The following CD70 variants were observed in gnomAD, a reference collection of about 807,000 sequenced individuals.
CD70 encodes the protein CD70 molecule.
Under a neutral mutation model 9.0 loss-of-function variants are expected in CD70, and 6 were observed. The observed-to-expected ratio is 0.67, with a 90% confidence interval of 0.37 to 1.32. The LOEUF is 1.32. Ranked by LOEUF, CD70 falls within the 40% of genes most tolerant of loss-of-function variation. The pLI is 0.02. For synonymous variants in CD70, 108 were observed against 112.3 expected, an observed-to-expected ratio of 0.96 and a Z score of 0.24; for missense variants, 235 against 258.7, an observed-to-expected ratio of 0.91 and a Z score of 0.63.
chr19:6,583,153 G>A (rs1023569792), downstream of CD70: 19 of 456,290 alleles, frequency 4.2e-5, no homozygotes, highest in African/African-American at 2.4e-4. Context: ...TGCAAGATGC[G>A]GGATTATCTG....
chr19:6,588,299 C>G (rs1916074004), intron 2 of CD70, among the ~76,000 whole-genome samples: 1 of 152,172 alleles, frequency 6.6e-6, no homozygotes, highest in South Asian at 2.1e-4. Context: ...GCCACCACCC[C>G]TGGTGCCCCA....
rs985168818 is a variant in CD70 at position 6,590,127 on chromosome 19, C to T, written c.172G>A (p.Ala58Thr). 6 of 1,613,770 alleles carry T rather than the reference C, an allele frequency of 3.7e-6. No homozygotes were observed. Among genetic ancestry groups the T allele is most frequent in the Non-Finnish European group, 5.1e-6 (6 of 1,179,788 alleles). The change falls in exon 2 of 3, where the codon GCT (alanine) becomes ACT (threonine). Residue 58 changes from alanine to threonine, a missense_variant. Physicochemically the swap from Ala to Thr is moderately conservative, Grantham distance 58. Coordinates refer to ENST00000245903, the MANE Select transcript of CD70 (RefSeq NM_001252.5). This position sits in a 1 kb window ranked among gnomAD's most constrained non-coding sequence, Gnocchi z 5.3. ...LPLESLGWDVAELQLNHTGPQ... is the reference protein window; with the variant it reads ...LPLESLGWDVTELQLNHTGPQ... Reference sequence around the variant, plus strand: ...CCTGTGTGATTCAGCTGCAGCTCAGCTACGTCCCACTGGAAGAAAAGACCA... The same window carrying T: ...CCTGTGTGATTCAGCTGCAGCTCAGTTACGTCCCACTGGAAGAAAAGACCA...
At position 6,591,061 on chromosome 19, in the gene CD70, G is replaced by C; in HGVS notation, c.-59C>G. 2 of 1,516,690 alleles carry C rather than the reference G, an allele frequency of 1.3e-6. No individual in the cohort carries two copies. The highest frequency in any genetic ancestry group is 4.7e-5 in the East Asian group (2 of 42,740). 94.0% of individuals were successfully genotyped at this position (1,516,690 alleles called of 1,614,324 possible). ...GGCGATGGGGGCGCGGAGCGCTGCC[G>C]AGAAGGAAGGAAGGAAACTGCAGCC... On this transcript the variant is annotated 5_prime_UTR_variant, in exon 1 of 3. Coordinates refer to ENST00000245903, the MANE Select transcript of CD70 (RefSeq NM_001252.5).
chr19:6,585,407 T>C (rs1915994369), downstream of CD70, among the ~76,000 whole-genome samples: 1 of 150,622 alleles, frequency 6.6e-6, no homozygotes, highest in African/African-American at 2.4e-5. Flanking sequence ...TGCAGTGGCA[T>C]GATCACGGCT....
intron 2 of CD70, among the ~76,000 whole-genome samples, chr19:6,587,333 AGT>A (rs1392667498): frequency 1.5e-4 from 23 of 150,340 alleles, no homozygotes; most frequent in Non-Finnish European, 2.7e-4. Context: ...CAAGAGAGAG[AGT>A]GTGTGTGTGA....
chr19:6,586,620 G>A (rs1916023845), intron 2 of CD70, among the ~76,000 whole-genome samples: 1 of 152,022 alleles, frequency 6.6e-6, no homozygotes, highest in African/African-American at 2.4e-5. Flanking sequence ...ACAACAGGGC[G>A]AGACCCCATC....
At position 6,586,704 on chromosome 19, in the gene CD70, G is replaced by A. The variant is rs1361149131; in HGVS notation, c.197-299C>T. Among the ~76,000 whole-genome samples, 3 of 152,036 alleles carry A rather than the reference G, an allele frequency of 2.0e-5. No homozygotes were observed. The East Asian group carries it at 5.8e-4, about 29-fold the overall frequency. Reference sequence around the variant, plus strand: ...TCCTGGCTACTCTTGGGAGGCTGAGGCTGGAGGATCGCTTGAGCCTGGGAG... The same window carrying A: ...TCCTGGCTACTCTTGGGAGGCTGAGACTGGAGGATCGCTTGAGCCTGGGAG... On this transcript the variant is annotated intron_variant, in intron 2 of 2. Transcript: ENST00000245903.
rs1916121566 is a variant in CD70 at position 6,590,004 on chromosome 19, T to A, written c.196+99A>T. ...CTCTCTCCCTCCGTCTCTGTCTGTGTCTCTTTCTCTCTGTCTCTCCCCACT... is the reference window on the plus strand; with the variant it reads ...CTCTCTCCCTCCGTCTCTGTCTGTGACTCTTTCTCTCTGTCTCTCCCCACT... On this transcript the variant is annotated intron_variant, in intron 2 of 2. Transcript: ENST00000245903. This position sits in a 1 kb window ranked among gnomAD's most constrained non-coding sequence, Gnocchi z 5.3. 3 of 945,052 alleles carry A rather than the reference T, an allele frequency of 3.2e-6. No homozygotes were observed. The highest frequency in any genetic ancestry group is 5.0e-6 in the Non-Finnish European group (3 of 599,192). The allele number at this position is 945,052 out of a possible 1,614,324, so 58.5% of individuals were successfully genotyped here. A position where few individuals can be genotyped will look rare whatever the true frequency, so the allele number is the denominator to read the frequency against.
Position 6,590,096 on chromosome 19 carries a change from G to C in CD70, c.196+7C>G, listed in dbSNP as rs555945239. The C allele has an allele frequency of 1.7e-4, 281 of 1,611,676 alleles. 5 individuals carry two copies. The South Asian group carries it at 2.7e-3, about 15-fold the overall frequency. ...TTCTCCCCGTCCCTCCACGTCCCCC[G>C]TGTTACCTGTGTGATTCAGCTGCAG... On this transcript the variant is annotated splice_region_variant and intron_variant, in intron 2 of 2. Transcript: ENST00000245903. The surrounding 1 kb of genome is among the most constrained non-coding windows in gnomAD (Gnocchi z 5.3).
downstream of CD70, chr19:6,583,553 CTT>C (rs72193958): frequency 0.043 from 16,708 of 392,038 alleles, 3 homozygotes; most frequent in Middle Eastern, 0.057. Flanking sequence ...TAATTGTAGT[CTT>C]TTTTTTTTTT....
At chr19:6,587,223 T>G (rs1916043817) in intron 2 of CD70, among the ~76,000 whole-genome samples, 2 of 112,622 alleles carry the variant, frequency 1.8e-5, no homozygotes, top group South Asian at 6.1e-4. Flanking sequence ...CGAGAGAGTG[T>G]GAGAGAGAGG....
chr19:6,585,082 G>A (rs1466207846), downstream of CD70, among the ~76,000 whole-genome samples: 2 of 152,064 alleles, frequency 1.3e-5, no homozygotes, highest in Admixed American at 1.3e-4. Flanking sequence ...CGCCTCCCAG[G>A]TTCAAGAGAT....
chr19:6,583,031 G>A, downstream of CD70, among the ~76,000 whole-genome samples: 1 of 152,132 alleles, frequency 6.6e-6, no homozygotes. Flanking sequence ...TTGGAGAGGG[G>A]CTGCAGGGCT....
Position 6,590,916 on chromosome 19 carries a change from G to A in CD70, c.87C>T (p.Gly29=). The change falls in exon 1 of 3, where the codon GGC becomes GGT. Residue 29 remains glycine (G), a synonymous_variant. Coordinates refer to ENST00000245903, the MANE Select transcript of CD70 (RefSeq NM_001252.5). This position sits in a 1 kb window ranked among gnomAD's most constrained non-coding sequence, Gnocchi z 5.3. The part of the protein sequence containing the change: ...LRAALVPLVA[G]LVICLVVCIQ... ...TGCACACCACGAGGCAGATCACCAA[G>A]CCCGCGACCAATGGGACCAAAGCAG... The A allele has an allele frequency of 6.2e-7, 1 of 1,614,114 alleles. No individual in the cohort carries two copies. Among genetic ancestry groups the A allele is most frequent in the Admixed American group, 1.7e-5 (1 of 60,022 alleles).
At chr19:6,589,042 A>AG (rs1489042233) in intron 2 of CD70, among the ~76,000 whole-genome samples, 1 of 152,192 alleles carries the variant, frequency 6.6e-6, no homozygotes, top group Non-Finnish European at 1.5e-5. Context: ...TGAAGGACTG[A>AG]GAGGGAAAGG....
intron 2 of CD70, among the ~76,000 whole-genome samples, chr19:6,588,513 A>G (rs928775944): frequency 6.6e-6 from 1 of 152,212 alleles, no homozygotes; most frequent in Non-Finnish European, 1.5e-5. Context: ...TCTGGGGATG[A>G]ACCGTGGAAA....
At chr19:6,588,336 C>T (rs1258929882) in intron 2 of CD70, among the ~76,000 whole-genome samples, 11 of 152,100 alleles carry the variant, frequency 7.2e-5, no homozygotes, top group Non-Finnish European at 1.0e-4. Flanking sequence ...CAGCCACTCT[C>T]CAGAAAGGGG....
Position 6,590,274 on chromosome 19 carries a change from CATTTT to C in CD70, c.163-143_163-139del. 1.5e-6 allele frequency: 1 copy of C among 687,314 alleles called. No individual in the cohort carries two copies. The highest frequency in any genetic ancestry group is 2.6e-6 in the Non-Finnish European group (1 of 381,822). The allele number at this position is 687,314 out of a possible 1,614,324, so 42.6% of individuals were successfully genotyped here. A position where few individuals can be genotyped will look rare whatever the true frequency, so the allele number is the denominator to read the frequency against. ...ACGGCGCGCACTGGTGATTTTATTT[CATTTT>C]ATTTTTTTTTACTCTTAAGACTTCT... On this transcript the variant is annotated intron_variant, in intron 1 of 2. Transcript: ENST00000245903. The surrounding 1 kb of genome is among the most constrained non-coding windows in gnomAD (Gnocchi z 5.3).
downstream of CD70, chr19:6,585,789 C>T (rs929584677): frequency 2.2e-5 from 10 of 456,182 alleles, no homozygotes; most frequent in African/African-American, 3.9e-5. Flanking sequence ...ATTCTCCTGC[C>T]TCAGTCGGCC....
Sources: gnomAD v4.1 joint callset for allele counts (sites outside exome capture counted in the v4.1 genomes callset) on GRCh38, gnomAD v4.1.1 for gene constraint, Gnocchi (gnomAD v3.1) non-coding constraint, MANE v1.5 for transcripts, NCBI Gene and HGNC (gene_info 2026-07-23, HGNC 2026-07-21) for gene names.